Variants in TBC1D2B observed in about 807,000 individuals in gnomAD.
TBC1D2B encodes TBC1 domain family member 2B.
TBC1D2B carries 64 observed loss-of-function variants against 100.8 expected under a neutral mutation model. That is an observed-to-expected ratio of 0.64 (90% CI 0.52 to 0.78). The LOEUF is 0.78. Among genes scored for constraint, TBC1D2B ranks in the 30% least tolerant of loss-of-function variants. TBC1D2B has a pLI of 0.00. For synonymous variants in TBC1D2B, 480 were observed against 479.7 expected (o/e 1.00, Z -0.01); for missense variants, 1,052 against 1,218.4 (o/e 0.86, Z 2.03).
Position 78,045,029 on chromosome 15 carries a change from G to A in TBC1D2B, c.554C>T (p.Ala185Val), listed in dbSNP as rs1365062029. 1.9e-6 allele frequency: 3 copies of A among 1,611,882 alleles called. No individual in the cohort carries two copies. Among genetic ancestry groups the A allele is most frequent in the Non-Finnish European group, 2.5e-6 (3 of 1,178,874 alleles). The change falls in exon 3 of 13, where the codon GCC (alanine) becomes GTC (valine). Residue 185 changes from alanine (A) to valine (V), a missense_variant. By Grantham distance (64) the Ala-to-Val change is moderately conservative. This residue lies in a region of TBC1D2B where 627 missense variants were observed against 646.1 expected (regional missense o/e 0.97). Coordinates refer to ENST00000300584, the MANE Select transcript of TBC1D2B (RefSeq NM_144572.2). The part of the protein sequence containing the change: ...YPHPNASAEK[A>V]RNVLAVETVP... ...AGTCTCCACAGCTAGGACATTTCTG[G>A]CTTTTTCTGCAGAAGCATTTGGGTG...
chr15:78,013,290 A>C lies in TBC1D2B; in HGVS notation c.1803T>G (p.Thr601=). The part of the protein sequence containing the change: ...VSEYDIYGFR[T]VPEDDEEEKL... ...TCTCTTCCTCATCATCCTCAGGTAC[A>C]GTCCTGAACCCATAAATATCATATT... Residue 601 remains threonine, a synonymous_variant, in exon 9 of 13, where the codon ACT becomes ACG. Transcript: ENST00000300584. The C allele has an allele frequency of 6.2e-7, 1 of 1,610,040 alleles. No homozygotes were observed. The highest frequency in any genetic ancestry group is 2.2e-5 in the East Asian group (1 of 44,804).
chr15:78,023,139 G>C (rs1303036730), intron 6 of TBC1D2B, among the ~76,000 whole-genome samples: 1 of 152,182 alleles, frequency 6.6e-6, no homozygotes, highest in African/African-American at 2.4e-5. Context: ...CAAATACTCA[G>C]TAACAACCTG....
chr15:78,044,954 C>T lies in TBC1D2B; in HGVS notation c.629G>A (p.Gly210Glu), dbSNP rs1219534284. ...GEQAANQPAP[G>E]HPNSINFYSL... ...GTAAAAATTAATGGAATTTGGATGC[C>T]CTGGGGCGGGCTGATTTGCAGCTTG... Residue 210 changes from glycine (G) to glutamate (E), a missense_variant, in exon 3 of 13, where the codon GGG becomes GAG. Transcript: ENST00000300584. 1.9e-6 allele frequency: 3 copies of T among 1,613,590 alleles called. No homozygotes were observed. The highest frequency in any genetic ancestry group is 2.5e-6 in the Non-Finnish European group (3 of 1,179,674).
chr15:78,069,083 CA>C (rs2073705835), intron 1 of TBC1D2B, among the ~76,000 whole-genome samples: 1 of 151,914 alleles, frequency 6.6e-6, no homozygotes, highest in Non-Finnish European at 1.5e-5. Flanking sequence ...GTCTGCACCC[CA>C]GTGGCTCAAA....
intron 1 of TBC1D2B, among the ~76,000 whole-genome samples, chr15:78,054,519 T>C (rs1182653233): frequency 2.0e-5 from 3 of 152,192 alleles, no homozygotes; most frequent in Admixed American, 6.5e-5. Context: ...ACAAATTCCA[T>C]CTTCAAAAAT....
At chr15:78,073,877 G>C (rs2141851109) in intron 1 of TBC1D2B, among the ~76,000 whole-genome samples, 1 of 151,418 alleles carries the variant, frequency 6.6e-6, no homozygotes, top group African/African-American at 2.4e-5. Context: ...GCTGAGGCAG[G>C]AGAATTGCTT....
chr15:78,060,620 CA>C (rs2073523801), intron 1 of TBC1D2B, among the ~76,000 whole-genome samples: 2 of 151,894 alleles, frequency 1.3e-5, no homozygotes, highest in Admixed American at 1.3e-4. Context: ...GGCGACAGAG[CA>C]AGACCTATCT....
At chr15:78,012,085 T>C (rs2072246502) in intron 9 of TBC1D2B, among the ~76,000 whole-genome samples, 1 of 152,244 alleles carries the variant, frequency 6.6e-6, no homozygotes, top group Non-Finnish European at 1.5e-5. Flanking sequence ...TTTATCCATA[T>C]TTTTAACAAG....
At chr15:78,059,343 A>G (rs2073493638) in intron 1 of TBC1D2B, among the ~76,000 whole-genome samples, 1 of 152,214 alleles carries the variant, frequency 6.6e-6, no homozygotes, top group African/African-American at 2.4e-5. Flanking sequence ...CTCATGTTCA[A>G]TTGTTGCTAC....
intron 1 of TBC1D2B, among the ~76,000 whole-genome samples, chr15:78,062,234 G>A (rs1474429705): frequency 6.6e-6 from 1 of 152,188 alleles, no homozygotes; most frequent in Non-Finnish European, 1.5e-5. Flanking sequence ...CTCTTGGAAG[G>A]TAAAGGGCTT....
chr15:78,033,302 T>C (rs1455650049), intron 3 of TBC1D2B, among the ~76,000 whole-genome samples: 1 of 152,158 alleles, frequency 6.6e-6, no homozygotes, highest in Non-Finnish European at 1.5e-5. Context: ...TCTTACTTAA[T>C]AGACCCATCC....
In TBC1D2B at chr15:77,997,471, G is replaced by A. The variant is rs2071793792; in HGVS notation, c.*689C>T. On this transcript the variant is annotated 3_prime_UTR_variant, in exon 13 of 13. Coordinates refer to ENST00000300584, the MANE Select transcript of TBC1D2B (RefSeq NM_144572.2). ...TGCAAACACAGGCTGGCCATGAGAAGTGAGGGTGGGTGTCTGGGCAGCCAG... is the reference window on the plus strand; with the variant it reads ...TGCAAACACAGGCTGGCCATGAGAAATGAGGGTGGGTGTCTGGGCAGCCAG... 1 of 152,324 alleles carries A rather than the reference G, an allele frequency of 6.6e-6. No homozygotes were observed. Among genetic ancestry groups the A allele is most frequent in the Admixed American group, 6.5e-5 (1 of 15,294 alleles). 9.4% of individuals were successfully genotyped at this position (152,324 alleles called of 1,614,324 possible). A position where few individuals can be genotyped will look rare whatever the true frequency, so the allele number is the denominator to read the frequency against.
intron 2 of TBC1D2B, 73 bp downstream of exon 2, chr15:78,053,961 C>T: frequency 7.0e-7 from 1 of 1,437,748 alleles, no homozygotes; most frequent in African/African-American, 1.4e-5. Context: ...TTTTCATTCA[C>T]TGCTAAGTTC....
At chr15:78,051,350 A>G (rs997244087) in intron 2 of TBC1D2B, among the ~76,000 whole-genome samples, 2 of 152,296 alleles carry the variant, frequency 1.3e-5, no homozygotes, top group African/African-American at 2.4e-5. Flanking sequence ...CTTTATAACA[A>G]CTATGAAGAG....
chr15:78,016,351 T>C (rs2072374573), intron 8 of TBC1D2B, among the ~76,000 whole-genome samples, 195 bp downstream of exon 8: 2 of 152,168 alleles, frequency 1.3e-5, no homozygotes, highest in Non-Finnish European at 2.9e-5. Context: ...AGAAGACCTG[T>C]GGTAAGTCCC....
At chr15:78,068,892 T>C (rs1276276256) in intron 1 of TBC1D2B, among the ~76,000 whole-genome samples, 1 of 152,236 alleles carries the variant, frequency 6.6e-6, no homozygotes, top group African/African-American at 2.4e-5. Flanking sequence ...AGGATATGGG[T>C]GAACACCCGA....
At chr15:78,018,973 G>A (rs1184416162) in intron 6 of TBC1D2B, among the ~76,000 whole-genome samples, 1 of 152,068 alleles carries the variant, frequency 6.6e-6, no homozygotes, top group Non-Finnish European at 1.5e-5. Context: ...AATCTGACAG[G>A]CTGGTGTGTG....
rs140340495 is a variant in TBC1D2B at position 78,000,056 on chromosome 15, T to C, written c.2696+1563A>G. 1.5e-4 allele frequency among the ~76,000 whole-genome samples: 23 copies of C among 152,328 alleles called. No individual in the cohort carries two copies. The Middle Eastern group carries it at 0.017, about 113-fold the overall frequency. ...TGCAACCACTAGTCTGGGGAGCTCA[T>C]TAAAACACTGAGGCTCTAGCCCAGA... On this transcript the variant is annotated intron_variant, in intron 12 of 12. Transcript: ENST00000300584.
rs1300215729 is a variant in TBC1D2B, at chr15:78,077,654, G to T, written c.-2C>A. ...CGCCCGGGCTCCGGCCCCCGGCATC[G>T]CTACCGCGCGCCAACCGTAGGCGCC... is the stretch of plus-strand genomic sequence containing the variant. On this transcript the variant is annotated 5_prime_UTR_variant, in exon 1 of 13. Transcript: ENST00000300584. The T allele has an allele frequency of 1.0e-6, 1 of 983,830 alleles. No homozygotes were observed. Among genetic ancestry groups the T allele is most frequent in the Non-Finnish European group, 1.2e-6 (1 of 830,976 alleles). 60.9% of individuals were successfully genotyped at this position (983,830 alleles called of 1,614,324 possible). A position where few individuals can be genotyped will look rare whatever the true frequency, so the allele number is the denominator to read the frequency against.
Sources: gnomAD v4.1 joint callset for allele counts (sites outside exome capture counted in the v4.1 genomes callset) on GRCh38, gnomAD v4.1.1 for gene constraint, gnomAD v4.1.1 regional missense constraint, MANE v1.5 for transcripts, NCBI Gene and HGNC (gene_info 2026-07-23, HGNC 2026-07-21) for gene names.